MN1: variants seen among roughly 807,000 people sequenced by gnomAD.
The protein encoded by MN1 is MN1 proto-oncogene, transcriptional regulator.
A neutral mutation model predicts 86.9 loss-of-function variants in MN1; 19 were observed. The observed-to-expected ratio is 0.22, with a 90% CI of 0.15 to 0.32. The LOEUF (loss-of-function observed/expected upper bound fraction) is 0.32, where lower values mean the gene tolerates loss of function less well. Ranked by LOEUF, MN1 falls within the 10% of genes least tolerant of loss-of-function variation. MN1 has a pLI of 1.00. For synonymous variants in MN1, 928 were observed against 849.6 expected, an observed-to-expected ratio of 1.09 and a Z score of -1.60; for missense variants, 1,841 against 1,862.0, an observed-to-expected ratio of 0.99 and a Z score of 0.21.
chr22:27,755,196 C>T (rs1266622383), intron 1 of MN1, among the ~76,000 whole-genome samples: 1 of 152,196 alleles, frequency 6.6e-6, no homozygotes, highest in Admixed American at 6.5e-5. Flanking sequence ...ATCTGGGCAG[C>T]TCCTGTCTGC....
chr22:27,796,555 T>G (rs578120014), intron 1 of MN1, among the ~76,000 whole-genome samples: 4 of 97,960 alleles, frequency 4.1e-5, no homozygotes, highest in African/African-American at 8.0e-5. Flanking sequence ...CCTGGTAACA[T>G]GTGGGGGGCT....
At chr22:27,775,852 C>CT (rs910064676) in intron 1 of MN1, among the ~76,000 whole-genome samples, 1 of 152,208 alleles carries the variant, frequency 6.6e-6, no homozygotes, top group Non-Finnish European at 1.5e-5. Flanking sequence ...GGAATGGCAC[C>CT]GACAGCAGCT....
At chr22:27,757,119 A>G (rs1273957415) in intron 1 of MN1, among the ~76,000 whole-genome samples, 1 of 151,964 alleles carries the variant, frequency 6.6e-6, no homozygotes, top group Non-Finnish European at 1.5e-5. Context: ...AGATGAACTG[A>G]AAGATGGTCC....
rs980987291 is a variant in MN1 at position 27,750,885 on chromosome 22, C to G, written c.*30G>C. On this transcript the variant is annotated 3_prime_UTR_variant, in exon 2 of 2. Coordinates refer to ENST00000302326, the MANE Select transcript of MN1 (RefSeq NM_002430.3). ...GAAACAGACAGGGGGAGAGGAAGGGCCTGGTAGAGGAGGGGATCTTTCTTG... is the reference window on the plus strand; with the variant it reads ...GAAACAGACAGGGGGAGAGGAAGGGGCTGGTAGAGGAGGGGATCTTTCTTG... 5.8e-6 allele frequency: 9 copies of G among 1,542,574 alleles called. No homozygotes were observed. The highest frequency in any genetic ancestry group is 4.1e-5 in the African/African-American group (3 of 73,426).
chr22:27,768,142 T>C (rs886186111), intron 1 of MN1, among the ~76,000 whole-genome samples: 1 of 152,044 alleles, frequency 6.6e-6, no homozygotes, highest in Admixed American at 6.6e-5. Flanking sequence ...AAATAAAACA[T>C]GTCTCCCACT....
At chr22:27,753,368 C>G (rs2146292644) in intron 1 of MN1, among the ~76,000 whole-genome samples, 1 of 152,316 alleles carries the variant, frequency 6.6e-6, no homozygotes, top group East Asian at 1.9e-4. Context: ...CTACCATGTT[C>G]CCTCTCTGGA....
rs766906739 is a variant in MN1 at position 27,799,381 on chromosome 22, G to T, written c.1163C>A (p.Thr388Lys). The change falls in exon 1 of 2, where the codon ACG becomes AAG. Residue 388 changes from threonine to lysine, a missense_variant. Coordinates refer to ENST00000302326, the MANE Select transcript of MN1 (RefSeq NM_002430.3). The stretch of plus-strand genomic sequence containing the variant: ...TCCGTCCTGCAGGCCGCCGCTGGGC[G>T]TGCCCGCCTCGCCCTGCTGGGGCCG... ...LPRPQQGEAG[T>K]PSGGLQDGGP... The T allele has an allele frequency of 1.3e-6, 2 of 1,538,854 alleles. No homozygotes were observed. Among genetic ancestry groups the T allele is most frequent in the African/African-American group, 1.4e-5 (1 of 72,946 alleles).
Position 27,798,074 on chromosome 22 carries a change from A to G in MN1, c.2470T>C (p.Cys824Arg). Residue 824 changes from cysteine to arginine, a missense_variant, in exon 1 of 2, where the codon TGC (cysteine) becomes CGC (arginine). Cys to Arg is a radical substitution (Grantham distance 180). Transcript: ENST00000302326. ...CAAGCGGTGGAGAGCGCAGCCAGGC[A>G]GCTCTGGCCGAACAGGTTGTCCTTG... ...SSKDNLFGQSCLAALSTACQN... is the reference protein window; with the variant it reads ...SSKDNLFGQSRLAALSTACQN... 1 of 1,611,288 alleles carries G rather than the reference A, an allele frequency of 6.2e-7. No individual in the cohort carries two copies. Among genetic ancestry groups the G allele is most frequent in the Non-Finnish European group, 8.5e-7 (1 of 1,179,854 alleles).
At chr22:27,789,917 C>G (rs1933188123) in intron 1 of MN1, among the ~76,000 whole-genome samples, 1 of 152,228 alleles carries the variant, frequency 6.6e-6, no homozygotes, top group Non-Finnish European at 1.5e-5. Flanking sequence ...GTGGCTAGGA[C>G]AAGTCCTGAC....
intron 1 of MN1, among the ~76,000 whole-genome samples, chr22:27,752,943 T>G (rs1181459154): frequency 1.3e-5 from 2 of 152,130 alleles, no homozygotes; most frequent in African/African-American, 4.8e-5. Context: ...CGCCCTGCCC[T>G]CTGGGATTAA....
At chr22:27,783,133 CT>C (rs57070968) in intron 1 of MN1, among the ~76,000 whole-genome samples, 3,528 of 139,528 alleles carry the variant, frequency 0.025, 109 homozygotes, top group African/African-American at 0.074. Context: ...CGTCGTGCTG[CT>C]TTTTTTTTTT....
In MN1 at chr22:27,799,338, G is replaced by T; in HGVS notation, c.1206C>A (p.Ser402Arg). 6.3e-7 allele frequency: 1 copy of T among 1,590,610 alleles called. No homozygotes were observed. Among genetic ancestry groups the T allele is most frequent in the East Asian group, 2.2e-5 (1 of 44,526 alleles). Residue 402 changes from serine to arginine, a missense_variant, in exon 1 of 2, where the codon AGC (serine) becomes AGA (arginine). By Grantham distance (110) the Ser-to-Arg change is moderately radical. Transcript: ENST00000302326. ...TGGGATACTCGAATTGCGCGTGCTG[G>T]CTGGGCAGCATGGGGCCTCCGTCCT... ...GLQDGGPMLP[S>R]QHAQFEYPIH...
intron 1 of MN1, among the ~76,000 whole-genome samples, chr22:27,790,820 G>A (rs1041524568): frequency 2.0e-5 from 3 of 152,160 alleles, no homozygotes; most frequent in South Asian, 2.1e-4. Flanking sequence ...GAGGGGCGAC[G>A]TGCGTCTGCT....
At chr22:27,759,843 G>A (rs1932822989) in intron 1 of MN1, among the ~76,000 whole-genome samples, 1 of 151,120 alleles carries the variant, frequency 6.6e-6, no homozygotes, top group South Asian at 2.1e-4. Context: ...GGGCCTAACT[G>A]GCCCTCTCTA....
chr22:27,769,762 C>G (rs5762350), intron 1 of MN1, among the ~76,000 whole-genome samples: 83,574 of 150,816 alleles, frequency 0.55, 24,186 homozygotes, highest in East Asian at 0.76. Context: ...CACCGCGTTA[C>G]CCAGGATGGT....
Position 27,749,756 on chromosome 22 carries a change from A to G in MN1, c.*1159T>C. 1 of 231,696 alleles carries G rather than the reference A, an allele frequency of 4.3e-6. No homozygotes were observed. The highest frequency in any genetic ancestry group is 8.5e-6 in the Non-Finnish European group (1 of 117,030). The allele number at this position is 231,696 out of a possible 1,614,324, so 14.4% of individuals were successfully genotyped here. A position where few individuals can be genotyped will look rare whatever the true frequency, so the allele number is the denominator to read the frequency against. Reference sequence around the variant, plus strand: ...CCCTCAGGAGTCTGCAGATCCCTGCAAAGGCTCAGAGAAGGCTGAGCAGGC... The same window carrying G: ...CCCTCAGGAGTCTGCAGATCCCTGCGAAGGCTCAGAGAAGGCTGAGCAGGC... On this transcript the variant is annotated 3_prime_UTR_variant, in exon 2 of 2. Coordinates refer to ENST00000302326, the MANE Select transcript of MN1 (RefSeq NM_002430.3).
intron 1 of MN1, among the ~76,000 whole-genome samples, chr22:27,757,008 A>G (rs1932806120): frequency 6.6e-6 from 1 of 152,152 alleles, no homozygotes; most frequent in Non-Finnish European, 1.5e-5. Context: ...CAATCCTCCC[A>G]TCTCAGCCTC....
At chr22:27,763,885 T>C (rs1451123380) in intron 1 of MN1, among the ~76,000 whole-genome samples, 1 of 152,124 alleles carries the variant, frequency 6.6e-6, no homozygotes, top group South Asian at 2.1e-4. Flanking sequence ...AGGGGAGAAC[T>C]GGGGATCCTG....
chr22:27,761,344 C>G (rs910286492), intron 1 of MN1, among the ~76,000 whole-genome samples: 2 of 151,692 alleles, frequency 1.3e-5, no homozygotes, highest in African/African-American at 2.4e-5. Context: ...CTCCCTCCCT[C>G]TCTCCTTCTC....
Sources: gnomAD v4.1 joint callset for allele counts (sites outside exome capture counted in the v4.1 genomes callset) on GRCh38, gnomAD v4.1.1 for gene constraint, MANE v1.5 for transcripts, NCBI Gene and HGNC (gene_info 2026-07-23, HGNC 2026-07-21) for gene names.